Variants in PDE3B observed in about 807,000 individuals in gnomAD.
The protein encoded by PDE3B is phosphodiesterase 3B.
PDE3B carries 66 observed loss-of-function variants against 116.8 expected under a neutral mutation model. The observed-to-expected ratio is 0.56, with a 90% CI of 0.46 to 0.69. The LOEUF (loss-of-function observed/expected upper bound fraction) is 0.69, where lower values mean the gene tolerates loss of function less well. Ranked by LOEUF, PDE3B falls within the 30% of genes least tolerant of loss-of-function variation. The pLI is 0.00. For synonymous variants in PDE3B, 595 were observed against 533.6 expected, an observed-to-expected ratio of 1.12 and a Z score of -1.59; for missense variants, 1,384 against 1,368.1, an observed-to-expected ratio of 1.01 and a Z score of -0.18.
chr11:14,735,138 T>C (rs1565114190), intron 1 of PDE3B, among the ~76,000 whole-genome samples: 1 of 152,174 alleles, frequency 6.6e-6, no homozygotes, highest in Non-Finnish European at 1.5e-5. Context: ...TAAATGTATA[T>C]CGATCATAAT....
chr11:14,796,333 A>T (rs953862452), intron 4 of PDE3B, among the ~76,000 whole-genome samples: 1 of 152,102 alleles, frequency 6.6e-6, no homozygotes, highest in Non-Finnish European at 1.5e-5. Context: ...ATAAATATAC[A>T]TGTGCATGTG....
At chr11:14,721,138 A>T (rs1856061208) in intron 1 of PDE3B, among the ~76,000 whole-genome samples, 1 of 151,242 alleles carries the variant, frequency 6.6e-6, no homozygotes, top group South Asian at 2.1e-4. Flanking sequence ...ACTTCTCAAA[A>T]GAAGACATTT....
the PDE3B span, chr11:14,880,417 A>G: frequency 6.2e-7 from 1 of 1,613,480 alleles, no homozygotes; most frequent in South Asian, 1.1e-5. Flanking sequence ...ATGTTTTCCA[A>G]AAGGCAGGAT....
At chr11:14,709,355 T>TA (rs1265750031) in intron 1 of PDE3B, among the ~76,000 whole-genome samples, 6 of 152,126 alleles carry the variant, frequency 3.9e-5, no homozygotes, top group African/African-American at 9.7e-5. Flanking sequence ...TTTTTCACAT[T>TA]AAAAAAATCT....
At chr11:14,817,181 G>GC (rs2133948537) in intron 5 of PDE3B, among the ~76,000 whole-genome samples, 1 of 152,016 alleles carries the variant, frequency 6.6e-6, no homozygotes, top group South Asian at 2.1e-4. Context: ...GCAAGCTATC[G>GC]CAAGGACAGA....
chr11:14,756,778 C>T (rs2133881927), intron 1 of PDE3B, among the ~76,000 whole-genome samples: 1 of 148,332 alleles, frequency 6.7e-6, no homozygotes, highest in South Asian at 2.2e-4. Flanking sequence ...CATACTGACA[C>T]ACAAGATATC....
intron 1 of PDE3B, among the ~76,000 whole-genome samples, chr11:14,742,208 TG>T (rs1338557677): frequency 6.6e-6 from 1 of 152,214 alleles, no homozygotes; most frequent in Admixed American, 6.5e-5. Context: ...CCATTCTCCC[TG>T]TCACTTTCAG....
At chr11:14,729,201 A>G (rs1457299939) in intron 1 of PDE3B, among the ~76,000 whole-genome samples, 1 of 152,236 alleles carries the variant, frequency 6.6e-6, no homozygotes, top group Non-Finnish European at 1.5e-5. Context: ...GAACACAGAA[A>G]GCATCTCAAA....
chr11:14,648,584 T>G (rs1047566957), intron 1 of PDE3B, among the ~76,000 whole-genome samples: 1 of 152,136 alleles, frequency 6.6e-6, no homozygotes, highest in Admixed American at 6.5e-5. Context: ...TTATACTTTA[T>G]TTTGTAAATA....
rs782770007 is a variant in PDE3B, at chr11:14,859,107, A to G, written c.2585A>G (p.Tyr862Cys). 6.2e-7 allele frequency: 1 copy of G among 1,613,690 alleles called. No individual in the cohort carries two copies. Among genetic ancestry groups the G allele is most frequent in the African/African-American group, 1.3e-5 (1 of 75,030 alleles). Residue 862 changes from tyrosine to cysteine, a missense_variant, in exon 13 of 16, where the codon TAT becomes TGT. By Grantham distance (194) the Tyr-to-Cys change is radical. Transcript: ENST00000282096. ...NHHAASAWNL[Y>C]LSRPEYNFLL... ...CATGCTGCGTCAGCTTGGAATCTAT[A>G]TCTTTCTCGCCCAGAATACAACTTC...
At chr11:14,880,719 T>A in the PDE3B span, 1 of 1,601,932 alleles carries the variant, frequency 6.2e-7, no homozygotes, top group Non-Finnish European at 8.5e-7. Flanking sequence ...TGTTTACAGC[T>A]AATCGTCTGT....
chr11:14,713,469 T>C (rs192242685), intron 1 of PDE3B, among the ~76,000 whole-genome samples: 2 of 152,190 alleles, frequency 1.3e-5, no homozygotes, highest in Non-Finnish European at 1.5e-5. Context: ...AACTGGGACA[T>C]TGGCTTTTTA....
intron 1 of PDE3B, among the ~76,000 whole-genome samples, chr11:14,667,480 C>G (rs1854205797): frequency 6.7e-6 from 1 of 150,306 alleles, no homozygotes; most frequent in Non-Finnish European, 1.5e-5. Flanking sequence ...AAATGTGGCA[C>G]ACATACACCA....
At chr11:14,736,780 A>G (rs1856611668) in intron 1 of PDE3B, among the ~76,000 whole-genome samples, 1 of 152,232 alleles carries the variant, frequency 6.6e-6, no homozygotes, top group Non-Finnish European at 1.5e-5. Flanking sequence ...AGGTTCCACA[A>G]ACAATAAATC....
At chr11:14,669,945 T>C (rs945536995) in intron 1 of PDE3B, among the ~76,000 whole-genome samples, 3 of 152,228 alleles carry the variant, frequency 2.0e-5, no homozygotes, top group African/African-American at 7.2e-5. Context: ...TGTTAATCTT[T>C]ATATTGCATA....
chr11:14,674,855 G>A (rs1854484248), intron 1 of PDE3B, among the ~76,000 whole-genome samples: 1 of 152,130 alleles, frequency 6.6e-6, no homozygotes, highest in Non-Finnish European at 1.5e-5. Flanking sequence ...ATGAAGTTAT[G>A]TTCAAATGAA....
the PDE3B span, chr11:14,886,270 T>C: frequency 1.9e-5 from 4 of 210,570 alleles, no homozygotes; most frequent in Non-Finnish European, 2.9e-5. Flanking sequence ...CCATAGAAAA[T>C]ATATTTGATA....
chr11:14,718,474 T>G (rs1359850519), intron 1 of PDE3B, among the ~76,000 whole-genome samples: 1 of 148,472 alleles, frequency 6.7e-6, no homozygotes, highest in Admixed American at 6.7e-5. Flanking sequence ...ATACGTTTTT[T>G]TCAGCACCAC....
At chr11:14,728,829 T>A (rs1363727797) in intron 1 of PDE3B, among the ~76,000 whole-genome samples, 1 of 152,180 alleles carries the variant, frequency 6.6e-6, no homozygotes, top group African/African-American at 2.4e-5. Flanking sequence ...GCAGGTCTTT[T>A]GAATATAAAA....
Sources: allele counts gnomAD v4.1 joint callset (sites outside exome capture counted in the v4.1 genomes callset), GRCh38; gene constraint gnomAD v4.1.1; transcripts MANE v1.5; gene names NCBI Gene and HGNC (gene_info 2026-07-23, HGNC 2026-07-21).